The following SRPRB variants were observed in gnomAD, a reference collection of about 807,000 sequenced individuals.
SRPRB encodes signal recognition particle receptor subunit beta.
In SRPRB, 20 loss-of-function variants were observed where a neutral mutation model predicts 31.9. The observed-to-expected ratio is 0.63, with a 90% CI of 0.44 to 0.91. The LOEUF (loss-of-function observed/expected upper bound fraction) is 0.91. Ranked by LOEUF, SRPRB falls within the 40% of genes least tolerant of loss-of-function variation. The pLI, the probability that SRPRB is intolerant of heterozygous loss-of-function variation, is 0.00. For synonymous variants in SRPRB, 146 were observed against 132.8 expected, an observed-to-expected ratio of 1.10 and a Z score of -0.68; for missense variants, 321 against 324.9, an observed-to-expected ratio of 0.99 and a Z score of 0.09.
At chr3:133,810,981 T>C (rs1935252510) in intron 3 of SRPRB, 136 bp from the exon 4 acceptor site, 1 of 801,536 alleles carries the variant, frequency 1.2e-6, no homozygotes, top group Non-Finnish European at 1.9e-6. Flanking sequence ...ACTAGTGTTT[T>C]ATGAGTAGAA....
At chr3:133,818,305 A>G (rs1324855023) in intron 6 of SRPRB, among the ~76,000 whole-genome samples, 4 of 152,368 alleles carry the variant, frequency 2.6e-5, no homozygotes, top group Middle Eastern at 3.4e-3. Context: ...TGTTTTCCAT[A>G]GGCTGTTTGC....
chr3:133,822,236 T>A (rs537261604), downstream of SRPRB, among the ~76,000 whole-genome samples: 4 of 151,552 alleles, frequency 2.6e-5, no homozygotes, highest in African/African-American at 9.7e-5. Flanking sequence ...AACATGGCAG[T>A]GTATGGACAC....
rs1322446200 is a variant in SRPRB, at chr3:133,821,458, TAA to T, written c.*1695_*1696del. The T allele has an allele frequency of 6.6e-6, 1 of 152,188 alleles. No individual in the cohort carries two copies. The highest frequency in any genetic ancestry group is 6.5e-5 in the Admixed American group (1 of 15,284). The allele number at this position is 152,188 out of a possible 1,614,324, so 9.4% of individuals were successfully genotyped here. On this transcript the variant is annotated 3_prime_UTR_variant, in exon 7 of 7. Transcript: ENST00000678299. The stretch of plus-strand genomic sequence containing the variant: ...TCATCATAGTAGGAGCTCATGGGAA[TAA>T]AAGTCAGTGGCTTGATGCTTCTGTT...
At chr3:133,793,442 A>G (rs1189117832) in intron 1 of SRPRB, 1 of 152,150 alleles carries the variant, frequency 6.6e-6, no homozygotes, top group African/African-American at 2.4e-5. Context: ...AGCATCCAAA[A>G]GAGAGGTAAA....
Position 133,819,536 on chromosome 3 carries a change from T to C in SRPRB, c.603-17T>C, listed in dbSNP as rs570088852. 2.2e-5 allele frequency: 35 copies of C among 1,601,346 alleles called. No homozygotes were observed. In the South Asian group the frequency reaches 3.6e-4, roughly 17 times the overall value. On this transcript the variant is annotated splice_polypyrimidine_tract_variant and intron_variant, in intron 6 of 6. Transcript: ENST00000678299. ...ATAAAAATTTTGCCTCCTGACTTCTTTCCTTTTGCCCCACAGCAACACCTT... is the reference window on the plus strand; with the variant it reads ...ATAAAAATTTTGCCTCCTGACTTCTCTCCTTTTGCCCCACAGCAACACCTT...
At chr3:133,813,214 T>C (rs146330948) in intron 4 of SRPRB, among the ~76,000 whole-genome samples, 71 of 152,350 alleles carry the variant, frequency 4.7e-4, no homozygotes, top group African/African-American at 1.3e-3. Context: ...AGGATGGATT[T>C]AGCTTTATCA....
intron 6 of SRPRB, among the ~76,000 whole-genome samples, chr3:133,818,613 A>G (rs1446110947): frequency 1.3e-5 from 2 of 152,190 alleles, no homozygotes; most frequent in Non-Finnish European, 2.9e-5. Context: ...TTATTGTAAA[A>G]TATCTTACTT....
chr3:133,803,049 C>G (rs1332751173), upstream of SRPRB, among the ~76,000 whole-genome samples: 1 of 152,184 alleles, frequency 6.6e-6, no homozygotes, highest in Admixed American at 6.5e-5. Flanking sequence ...TATTTTAACT[C>G]TCAGACATCT....
downstream of SRPRB, chr3:133,827,614 A>C: frequency 2.2e-6 from 1 of 446,688 alleles, no homozygotes; most frequent in Middle Eastern, 6.1e-4. Context: ...ATGTCCACAA[A>C]GACTTCAACT....
intron 6 of SRPRB, among the ~76,000 whole-genome samples, chr3:133,818,359 C>A (rs1935402273): frequency 6.6e-6 from 1 of 152,098 alleles, no homozygotes; most frequent in Non-Finnish European, 1.5e-5. Context: ...AGAAGCCAAT[C>A]CTTTTTTAAA....
Position 133,819,448 on chromosome 3 carries a change from T to C in SRPRB, c.603-105T>C, listed in dbSNP as rs1935427460. ...ACAATCTTAATAGCATAATTGGCAA[T>C]TCTATAGTTAAGTTTTAAATGAGTG... On this transcript the variant is annotated intron_variant, in intron 6 of 6. Coordinates refer to ENST00000678299, the MANE Select transcript of SRPRB (RefSeq NM_001379313.1). The C allele has an allele frequency of 1.4e-5, 13 of 945,256 alleles. No individual in the cohort carries two copies. The South Asian group carries it at 1.8e-4, about 13-fold the overall frequency. The allele number at this position is 945,256 out of a possible 1,614,324, so 58.6% of individuals were successfully genotyped here.
intron 1 of SRPRB, among the ~76,000 whole-genome samples, chr3:133,799,832 T>G (rs1306116761): frequency 6.6e-6 from 1 of 152,166 alleles, no homozygotes; most frequent in Non-Finnish European, 1.5e-5. Context: ...AAAAGTGCCA[T>G]TGGGTGGAAA....
intron 1 of SRPRB, chr3:133,784,666 T>C (rs1934611791): frequency 6.6e-6 from 1 of 152,004 alleles, no homozygotes; most frequent in South Asian, 2.1e-4. Context: ...GAGACTCTAA[T>C]AATGCCTGAT....
At chr3:133,812,203 G>GC (rs1935274607) in intron 4 of SRPRB, among the ~76,000 whole-genome samples, 1 of 152,150 alleles carries the variant, frequency 6.6e-6, no homozygotes, top group African/African-American at 2.4e-5. Context: ...TTAATTGGCA[G>GC]CATTTTAGTT....
At chr3:133,796,789 A>C (rs902409649) in intron 1 of SRPRB, 6 of 152,230 alleles carry the variant, frequency 3.9e-5, no homozygotes, top group Non-Finnish European at 7.3e-5. Flanking sequence ...GATGTTTAGA[A>C]GTGCACACAG....
At chr3:133,815,354 C>T (rs1301671666) in intron 4 of SRPRB, among the ~76,000 whole-genome samples, 3 of 152,052 alleles carry the variant, frequency 2.0e-5, no homozygotes, top group Admixed American at 2.0e-4. Context: ...TCTTGGAGGA[C>T]AGGCATCATT....
rs541265797 is a variant in SRPRB, at chr3:133,820,733, A to T, written c.*967A>T. On this transcript the variant is annotated 3_prime_UTR_variant, in exon 7 of 7. Transcript: ENST00000678299. ...CACAAGGCTTTTTTGAATGATTAGTATATTTCATGGTAAAGAAAACAGCCT... is the reference window on the plus strand; with the variant it reads ...CACAAGGCTTTTTTGAATGATTAGTTTATTTCATGGTAAAGAAAACAGCCT... 1 of 152,224 alleles carries T rather than the reference A, an allele frequency of 6.6e-6. No individual in the cohort carries two copies. The highest frequency in any genetic ancestry group is 1.5e-5 in the Non-Finnish European group (1 of 68,044). The allele number at this position is 152,224 out of a possible 1,614,324, so 9.4% of individuals were successfully genotyped here. A position where few individuals can be genotyped will look rare whatever the true frequency, so the allele number is the denominator to read the frequency against.
At chr3:133,806,490 CA>C (rs752879777) in intron 1 of SRPRB, 118 bp from the exon 2 acceptor site, 31 of 729,482 alleles carry the variant, frequency 4.2e-5, no homozygotes, top group Non-Finnish European at 6.9e-5. Context: ...TGATAAAAGT[CA>C]GTTCCAGGTG....
upstream of SRPRB, among the ~76,000 whole-genome samples, chr3:133,805,171 T>C (rs1935127661): frequency 6.6e-6 from 1 of 152,352 alleles, no homozygotes; most frequent in Non-Finnish European, 1.5e-5. Context: ...GCGTTGATTT[T>C]CCTAGTTGCT....
Sources: allele counts gnomAD v4.1 joint callset (sites outside exome capture counted in the v4.1 genomes callset), GRCh38; gene constraint gnomAD v4.1.1; transcripts MANE v1.5; gene names NCBI Gene and HGNC (gene_info 2026-07-23, HGNC 2026-07-21).